HAUS2: variants seen among roughly 807,000 people sequenced by gnomAD.
HAUS2 encodes the protein HAUS augmin-like complex subunit 2.
In HAUS2, 20 loss-of-function variants were observed where a neutral mutation model predicts 21.6. The observed-to-expected ratio is 0.93, with a 90% CI of 0.65 to 1.35. The LOEUF is 1.35. Ranked by LOEUF, HAUS2 falls within the 40% of genes most tolerant of loss-of-function variation. The pLI, the probability that HAUS2 is intolerant of heterozygous loss-of-function variation, is 0.00. For synonymous variants in HAUS2, 113 were observed against 95.6 expected (o/e 1.18, Z -1.06); for missense variants, 297 against 280.7 (o/e 1.06, Z -0.42).
intron 3 of HAUS2, chr15:42,560,652 T>C: frequency 1.8e-6 from 1 of 556,474 alleles, no homozygotes; most frequent in South Asian, 2.2e-5. Flanking sequence ...TGTGTCACTC[T>C]GTAACCCAGG....
chr15:42,556,909 A>G (rs1399810981), intron 1 of HAUS2, among the ~76,000 whole-genome samples: 1 of 151,574 alleles, frequency 6.6e-6, no homozygotes, highest in Non-Finnish European at 1.5e-5. Flanking sequence ...ACTCCCAGCT[A>G]CTTGGGAAGC....
chr15:42,565,858 T>C (rs540018705), intron 5 of HAUS2, among the ~76,000 whole-genome samples: 1 of 152,294 alleles, frequency 6.6e-6, no homozygotes, highest in South Asian at 2.1e-4. Context: ...AATAATGAAG[T>C]TTCTAGTCTG....
Position 42,561,266 on chromosome 15 carries a change from A to G in HAUS2, c.257-4A>G, listed in dbSNP as rs373604251. The G allele has an allele frequency of 1.4e-5, 21 of 1,516,908 alleles. No homozygotes were observed. The highest frequency in any genetic ancestry group is 4.5e-5 in the East Asian group (2 of 44,376). The allele number at this position is 1,516,908 out of a possible 1,614,324, so 94.0% of individuals were successfully genotyped here. The stretch of plus-strand genomic sequence containing the variant: ...CTATAATTACTGTTTTTTAATTTGT[A>G]TAGCTCAGAAGTGTCATACTCTGCA... On this transcript the variant is annotated splice_polypyrimidine_tract_variant and splice_region_variant and intron_variant, in intron 3 of 5. Coordinates refer to ENST00000260372, the MANE Select transcript of HAUS2 (RefSeq NM_018097.3).
chr15:42,551,275 TTTC>T (rs778606817), intron 1 of HAUS2, among the ~76,000 whole-genome samples: 3 of 152,126 alleles, frequency 2.0e-5, no homozygotes, highest in East Asian at 3.9e-4. Context: ...ACCCAGCCTT[TTTC>T]TTCTTATCAG....
At position 42,561,301 on chromosome 15, in the gene HAUS2, T is replaced by TAATC. The variant is rs766279486; in HGVS notation, c.290_293dup (p.His98GlnfsTer14). The TAATC allele has an allele frequency of 1.3e-6, 2 of 1,569,558 alleles. No homozygotes were observed. Among genetic ancestry groups the TAATC allele is most frequent in the East Asian group, 4.5e-5 (2 of 44,646 alleles). ...AGTGTCATACTCTGCAAAGCATGAA[T>TAATC]AATCATTTGGAAGCAGTGCTGAAAG... On this transcript the variant is annotated frameshift_variant, in exon 4 of 6. Transcript: ENST00000260372. LOFTEE classifies it high-confidence loss of function.
intron 1 of HAUS2, among the ~76,000 whole-genome samples, chr15:42,550,678 T>C (rs559451653): frequency 7.2e-6 from 1 of 138,526 alleles, no homozygotes; most frequent in African/African-American, 3.4e-5. Flanking sequence ...TGTGTTTTCT[T>C]TTTTTTTTGA....
In HAUS2 at chr15:42,558,271, TTCAAGCTGAAA is replaced by T; in HGVS notation, c.170_180del (p.Gln57LeufsTer8). ...ACCAGACTACAGCAGATCACAAATATTCAAGCTGAAATCTACCAGGTAAATCATTTTGTTTT... is the reference window on the plus strand; with the variant it reads ...ACCAGACTACAGCAGATCACAAATATTCTACCAGGTAAATCATTTTGTTTT... On this transcript the variant is annotated frameshift_variant, in exon 2 of 6. Coordinates refer to ENST00000260372, the MANE Select transcript of HAUS2 (RefSeq NM_018097.3). LOFTEE classifies it high-confidence loss of function. 7.1e-7 allele frequency: 1 copy of T among 1,414,606 alleles called. No homozygotes were observed. The highest frequency in any genetic ancestry group is 9.9e-7 in the Non-Finnish European group (1 of 1,007,992). The allele number at this position is 1,414,606 out of a possible 1,614,324, so 87.6% of individuals were successfully genotyped here.
chr15:42,553,794 A>G (rs2057747688), intron 1 of HAUS2, among the ~76,000 whole-genome samples: 1 of 152,188 alleles, frequency 6.6e-6, no homozygotes, highest in Non-Finnish European at 1.5e-5. Flanking sequence ...ACCAGTGAAC[A>G]GGTTGGTTAC....
At chr15:42,561,733 T>A (rs2057855473) in intron 4 of HAUS2, 3 of 205,170 alleles carry the variant, frequency 1.5e-5, no homozygotes, top group South Asian at 9.3e-5. Flanking sequence ...TAATGTTGCC[T>A]ATATGTAAAA....
intron 1 of HAUS2, among the ~76,000 whole-genome samples, chr15:42,556,639 G>C (rs951113629): frequency 6.6e-6 from 1 of 152,076 alleles, no homozygotes; most frequent in Non-Finnish European, 1.5e-5. Flanking sequence ...TTCACAGGCT[G>C]TACAAAAACA....
chr15:42,557,834 T>C (rs546825803), intron 1 of HAUS2, among the ~76,000 whole-genome samples: 3 of 152,190 alleles, frequency 2.0e-5, no homozygotes, highest in African/African-American at 7.2e-5. Flanking sequence ...CCGGAAGCTC[T>C]GAGAGACTGG....
chr15:42,549,071 G>C, intron 1 of HAUS2, 106 bp downstream of exon 1: 1 of 740,634 alleles, frequency 1.4e-6, no homozygotes, highest in East Asian at 2.7e-5. Flanking sequence ...TCCTGGTTGG[G>C]GTCTGTACTA....
chr15:42,561,217 T>C, intron 3 of HAUS2, 53 bp from the exon 4 acceptor site: 3 of 1,127,226 alleles, frequency 2.7e-6, no homozygotes, highest in Non-Finnish European at 4.0e-6. Context: ...GAAGAAATTA[T>C]TCTGTTATTT....
chr15:42,561,557 C>T, intron 4 of HAUS2, 155 bp downstream of exon 4: 1 of 574,952 alleles, frequency 1.7e-6, no homozygotes, highest in Non-Finnish European at 3.1e-6. Context: ...AAAATCTTTG[C>T]TTTTAAACCA....
chr15:42,549,235 G>A (rs1231834245), intron 1 of HAUS2, among the ~76,000 whole-genome samples: 1 of 152,094 alleles, frequency 6.6e-6, no homozygotes, highest in Non-Finnish European at 1.5e-5. Flanking sequence ...AGATTAGACT[G>A]TTACCAGCCT....
In HAUS2 at chr15:42,561,291, A is replaced by C. The variant is rs1422129734; in HGVS notation, c.278A>C (p.Gln93Pro). The change falls in exon 4 of 6, where the codon CAA becomes CCA. Residue 93 changes from glutamine (Q) to proline (P), a missense_variant. Physicochemically the swap from Gln to Pro is moderately conservative, Grantham distance 76 (BLOSUM62 -1). Transcript: ENST00000260372. ...FFLAQKCHTL[Q>P]SMNNHLEAVL... ...ATAGCTCAGAAGTGTCATACTCTGC[A>C]AAGCATGAATAATCATTTGGAAGCA... 13 of 1,564,450 alleles carry C rather than the reference A, an allele frequency of 8.3e-6. No individual in the cohort carries two copies. The highest frequency in any genetic ancestry group is 1.4e-5 in the African/African-American group (1 of 74,004).
At position 42,568,987 on chromosome 15, in the gene HAUS2, G is replaced by A. The variant is rs191869448; in HGVS notation, c.*2171G>A. The A allele has an allele frequency of 2.6e-5, 4 of 152,182 alleles. No homozygotes were observed. The highest frequency in any genetic ancestry group is 9.7e-5 in the African/African-American group (4 of 41,442). 9.4% of individuals were successfully genotyped at this position (152,182 alleles called of 1,614,324 possible). On this transcript the variant is annotated 3_prime_UTR_variant, in exon 6 of 6. Coordinates refer to ENST00000260372, the MANE Select transcript of HAUS2 (RefSeq NM_018097.3). ...CATGGAACCTGGAGGTAGTCTTGGA[G>A]ACCCTGGCATACAAAGCAGTTCCTA...
At chr15:42,563,524 G>A (rs956491690) in intron 4 of HAUS2, among the ~76,000 whole-genome samples, 1 of 151,636 alleles carries the variant, frequency 6.6e-6, no homozygotes, top group Non-Finnish European at 1.5e-5. Flanking sequence ...TAGGATTACT[G>A]TTGTCTCTTT....
chr15:42,566,835 CTTAA>C lies in HAUS2; in HGVS notation c.*23_*26del, dbSNP rs1826986424. 1.7e-6 allele frequency: 2 copies of C among 1,194,070 alleles called. No individual in the cohort carries two copies. The highest frequency in any genetic ancestry group is 2.5e-6 in the Non-Finnish European group (2 of 799,990). 74.0% of individuals were successfully genotyped at this position (1,194,070 alleles called of 1,614,324 possible). The stretch of plus-strand genomic sequence containing the variant: ...CAAGTAGTCATCAACTTTATTTTTG[CTTAA>C]TTATGTGTAGTCATATGAAGTCTAT... On this transcript the variant is annotated 3_prime_UTR_variant, in exon 6 of 6. Coordinates refer to ENST00000260372, the MANE Select transcript of HAUS2 (RefSeq NM_018097.3).
Sources: gnomAD v4.1 joint callset for allele counts (sites outside exome capture counted in the v4.1 genomes callset) on GRCh38, gnomAD v4.1.1 for gene constraint, MANE v1.5 for transcripts, NCBI Gene and HGNC (gene_info 2026-07-23, HGNC 2026-07-21) for gene names.